Variants in ABL2 observed in about 807,000 individuals in gnomAD.
ABL2 encodes the protein ABL proto-oncogene 2, non-receptor tyrosine kinase.
In ABL2, 49 loss-of-function variants were observed where a neutral mutation model predicts 107.7. That is an observed-to-expected ratio of 0.45 (90% CI 0.36 to 0.58). The LOEUF (loss-of-function observed/expected upper bound fraction) is 0.58. Among genes scored for constraint, ABL2 ranks in the 20% least tolerant of loss-of-function variants. The probability of loss-of-function intolerance (pLI) is 0.00; values close to 1 mark genes in which losing one functional copy is unlikely to be tolerated. For missense variants in ABL2, 1,245 were observed against 1,457.0 expected, an observed-to-expected ratio of 0.85 and a Z score of 2.37; for synonymous variants, 549 against 548.6, an observed-to-expected ratio of 1.00 and a Z score of -0.01.
intron 1 of ABL2, among the ~76,000 whole-genome samples, chr1:179,189,185 G>A (rs1452606217): frequency 2.0e-5 from 3 of 152,164 alleles, no homozygotes; most frequent in Non-Finnish European, 4.4e-5. Flanking sequence ...GCCCAGGCTG[G>A]AGTGCAATGG....
chr1:179,195,664 T>A (rs971881582), intron 1 of ABL2, among the ~76,000 whole-genome samples: 1 of 151,782 alleles, frequency 6.6e-6, no homozygotes, highest in African/African-American at 2.4e-5. Flanking sequence ...ATAAAGAAAA[T>A]GGGCTACATA....
At chr1:179,221,706 G>A (rs1272487618) in intron 1 of ABL2, 4 of 230,530 alleles carry the variant, frequency 1.7e-5, no homozygotes, top group Non-Finnish European at 3.6e-5. Flanking sequence ...TGGCAATTTA[G>A]TGTAGTATCT....
chr1:179,148,174 G>C (rs1358296158), intron 1 of ABL2, among the ~76,000 whole-genome samples: 13 of 151,744 alleles, frequency 8.6e-5, no homozygotes, highest in Admixed American at 7.9e-4. Context: ...GAGTAGCTGG[G>C]ACCACACGTG....
intron 1 of ABL2, among the ~76,000 whole-genome samples, chr1:179,181,946 ATTTTT>A (rs34828452): frequency 3.3e-5 from 3 of 91,208 alleles, no homozygotes; most frequent in African/African-American, 8.5e-5. Flanking sequence ...AGGCCCGGCT[ATTTTT>A]TTTTTTTTTT....
intron 1 of ABL2, chr1:179,221,139 GA>G: frequency 4.1e-6 from 1 of 243,272 alleles, no homozygotes; most frequent in Non-Finnish European, 8.5e-6. Context: ...TACTTGGGGT[GA>G]AAAAAGTCTT....
At chr1:179,172,353 T>C (rs80220582) in intron 1 of ABL2, among the ~76,000 whole-genome samples, 2,578 of 152,324 alleles carry the variant, frequency 0.017, 73 homozygotes, top group African/African-American at 0.058. Flanking sequence ...CAAATGTGTA[T>C]GTGCATGCAC....
intron 1 of ABL2, among the ~76,000 whole-genome samples, chr1:179,152,274 A>T (rs1479678648): frequency 6.6e-6 from 1 of 152,228 alleles, no homozygotes; most frequent in African/African-American, 2.4e-5. Context: ...CCCTGCAGTT[A>T]ATCAGAATTA....
At chr1:179,149,039 A>T (rs915047794) in intron 1 of ABL2, among the ~76,000 whole-genome samples, 5 of 152,244 alleles carry the variant, frequency 3.3e-5, no homozygotes, top group Non-Finnish European at 7.3e-5. Context: ...AAGAATGTCA[A>T]AAGTTGAGAT....
rs747191013 is a variant in ABL2 at position 179,100,410 on chromosome 1, AAAC to A, written c.*7305_*7307del. On this transcript the variant is annotated 3_prime_UTR_variant, in exon 12 of 12. Coordinates refer to ENST00000502732, the MANE Select transcript of ABL2 (RefSeq NM_007314.4). Reference sequence around the variant, plus strand: ...GTTCCCAGTCCTGCAAAACCTTCTGAAACAACAATAAATTTGCATATTCTTTTT... The same window carrying A: ...GTTCCCAGTCCTGCAAAACCTTCTGAAACAATAAATTTGCATATTCTTTTT... 3.4e-4 allele frequency: 78 copies of A among 226,834 alleles called. No individual in the cohort carries two copies. The highest frequency in any genetic ancestry group is 1.1e-3 in the African/African-American group (48 of 45,144). 14.1% of individuals were successfully genotyped at this position (226,834 alleles called of 1,614,324 possible).
At chr1:179,208,535 A>G (rs1159179273) in intron 1 of ABL2, among the ~76,000 whole-genome samples, 2 of 152,168 alleles carry the variant, frequency 1.3e-5, no homozygotes, top group Non-Finnish European at 2.9e-5. Context: ...TTATCATATT[A>G]TCATGAAGGC....
chr1:179,120,035 C>T (rs1405213370), intron 6 of ABL2, among the ~76,000 whole-genome samples, 155 bp downstream of exon 6: 1 of 152,044 alleles, frequency 6.6e-6, no homozygotes, highest in Non-Finnish European at 1.5e-5. Flanking sequence ...TATTGAAAGG[C>T]CCAGGCGGAA....
intron 1 of ABL2, among the ~76,000 whole-genome samples, chr1:179,202,369 A>G (rs993698059): frequency 6.6e-6 from 1 of 152,214 alleles, no homozygotes; most frequent in Admixed American, 6.5e-5. Flanking sequence ...AAAGAAATTA[A>G]CTCATGACAT....
chr1:179,177,898 T>C (rs569190260), intron 1 of ABL2, among the ~76,000 whole-genome samples: 1 of 152,334 alleles, frequency 6.6e-6, no homozygotes, highest in Non-Finnish European at 1.5e-5. Context: ...TCTAATAGAA[T>C]ACCCACAATA....
At chr1:179,155,496 G>A (rs1157578054) in intron 1 of ABL2, among the ~76,000 whole-genome samples, 4 of 152,040 alleles carry the variant, frequency 2.6e-5, no homozygotes, top group Non-Finnish European at 4.4e-5. Flanking sequence ...TTGGGAGGCC[G>A]AGGCAGGCGG....
At chr1:179,132,429 C>T (rs1370647820) in intron 2 of ABL2, among the ~76,000 whole-genome samples, 4 of 152,168 alleles carry the variant, frequency 2.6e-5, no homozygotes, top group Admixed American at 2.6e-4. Flanking sequence ...CTTGATCAGA[C>T]TATTTTTAGT....
At chr1:179,227,452 C>CT (rs1159290936) in intron 1 of ABL2, among the ~76,000 whole-genome samples, 2 of 152,192 alleles carry the variant, frequency 1.3e-5, no homozygotes, top group Non-Finnish European at 2.9e-5. Flanking sequence ...ATTGTTCTCC[C>CT]TCTCCATAGA....
chr1:179,136,743 A>AATAAAAAT (rs775233546), intron 1 of ABL2, among the ~76,000 whole-genome samples: 1 of 80,316 alleles, frequency 1.2e-5, no homozygotes, highest in Non-Finnish European at 3.0e-5. Flanking sequence ...TAAATAAATA[A>AATAAAAAT]AAATAAAAAT....
chr1:179,111,334 A>G (rs1207869414), intron 10 of ABL2, among the ~76,000 whole-genome samples: 3 of 128,060 alleles, frequency 2.3e-5, no homozygotes, highest in Admixed American at 9.2e-5. Flanking sequence ...TGCCCAGGCT[A>G]AAGTGCAGAG....
intron 1 of ABL2, among the ~76,000 whole-genome samples, chr1:179,228,050 C>CAAAA (rs34070201): frequency 1.3e-4 from 8 of 63,386 alleles, no homozygotes; most frequent in East Asian, 4.3e-4. Context: ...ACTCCGTCTC[C>CAAAA]AAAAAAAAAA....
Sources: gnomAD v4.1 joint callset for allele counts (sites outside exome capture counted in the v4.1 genomes callset) on GRCh38, gnomAD v4.1.1 for gene constraint, MANE v1.5 for transcripts, NCBI Gene and HGNC (gene_info 2026-07-23, HGNC 2026-07-21) for gene names.